Variants in NRXN3 observed in about 807,000 individuals in gnomAD.
NRXN3 encodes neurexin 3.
A neutral mutation model predicts 137.6 loss-of-function variants in NRXN3; 32 were observed. That is an observed-to-expected ratio of 0.23 (90% CI 0.18 to 0.31). The LOEUF is 0.31. Ranked by LOEUF, NRXN3 falls within the 10% of genes least tolerant of loss-of-function variation. The pLI is 1.00. For synonymous variants in NRXN3, 798 were observed against 784.5 expected (o/e 1.02, Z -0.29); for missense variants, 1,574 against 2,062.5 (o/e 0.76, Z 4.59).
At chr14:79,839,090 A>G (rs2091925) in intron 20 of NRXN3, among the ~76,000 whole-genome samples, 116,461 of 152,010 alleles carry the variant, frequency 0.77, 44,915 homozygotes, top group East Asian at 0.91. Context: ...AGAAGTAGAC[A>G]GGTTGTTTCA....
chr14:79,605,644 C>T (rs546808212), intron 16 of NRXN3, among the ~76,000 whole-genome samples: 25 of 152,166 alleles, frequency 1.6e-4, no homozygotes, highest in East Asian at 3.9e-4. Context: ...TGCGCCACCA[C>T]GCCCAGCTAA....
chr14:79,494,229 G>T (rs909008344), intron 16 of NRXN3, among the ~76,000 whole-genome samples: 6 of 152,086 alleles, frequency 3.9e-5, no homozygotes, highest in Non-Finnish European at 7.4e-5. Flanking sequence ...CAAGAGATTT[G>T]CCTCCTAACA....
intron 4 of NRXN3, among the ~76,000 whole-genome samples, chr14:78,601,745 T>C (rs1441801293): frequency 6.6e-6 from 1 of 152,200 alleles, no homozygotes; most frequent in African/African-American, 2.4e-5. Flanking sequence ...TGAGCCACTG[T>C]GCCTGGCCTT....
intron 10 of NRXN3, among the ~76,000 whole-genome samples, chr14:78,915,383 A>T (rs1378473075): frequency 6.6e-6 from 1 of 150,568 alleles, no homozygotes; most frequent in African/African-American, 2.4e-5. Context: ...CCACACAGAA[A>T]AAAAACAAGC....
intron 16 of NRXN3, among the ~76,000 whole-genome samples, chr14:79,601,336 C>A (rs1036662352): frequency 2.6e-5 from 4 of 152,042 alleles, no homozygotes; most frequent in Non-Finnish European, 4.4e-5. Flanking sequence ...CCACCGTGCC[C>A]AGCCTGTTGC....
At chr14:79,720,383 A>G (rs1300270795) in intron 19 of NRXN3, among the ~76,000 whole-genome samples, 1 of 152,092 alleles carries the variant, frequency 6.6e-6, no homozygotes, top group Admixed American at 6.6e-5. Context: ...CAACCAAACC[A>G]TATCAGGGAG....
intron 10 of NRXN3, among the ~76,000 whole-genome samples, chr14:78,953,955 A>G (rs944457217): frequency 6.6e-6 from 1 of 152,134 alleles, no homozygotes; most frequent in Non-Finnish European, 1.5e-5. Flanking sequence ...TTTTGTCTGA[A>G]CCATCCTTTA....
intron 19 of NRXN3, among the ~76,000 whole-genome samples, chr14:79,774,082 G>C (rs2099088998): frequency 6.6e-6 from 1 of 152,056 alleles, no homozygotes; most frequent in African/African-American, 2.4e-5. Context: ...AGAGGATTGG[G>C]GAAAGAGAAA....
rs190147421 is a variant in NRXN3, at chr14:78,700,212, T to A, written c.1222-9005T>A. ...ACAGTGGTTATTTAGTACATTTACA[T>A]GGGATTTTGTTTCTAATATTCTAAT... On this transcript the variant is annotated intron_variant, in intron 6 of 20. Transcript: ENST00000335750. Among the ~76,000 whole-genome samples, 4 of 152,326 alleles carry A rather than the reference T, an allele frequency of 2.6e-5. No homozygotes were observed. In the East Asian group the frequency reaches 7.7e-4, roughly 29 times the overall value.
chr14:78,174,445 TCTC>T (rs2059068296), intron 1 of NRXN3, among the ~76,000 whole-genome samples: 1 of 152,052 alleles, frequency 6.6e-6, no homozygotes, highest in African/African-American at 2.4e-5. Context: ...CCGACCCAGT[TCTC>T]CTCTCTACAG....
intron 4 of NRXN3, among the ~76,000 whole-genome samples, chr14:78,473,990 TAC>T (rs1229737994): frequency 6.6e-6 from 1 of 152,210 alleles, no homozygotes; most frequent in Non-Finnish European, 1.5e-5. Context: ...TCCTGTTGAC[TAC>T]ACAGGTTAGC....
intron 15 of NRXN3, among the ~76,000 whole-genome samples, chr14:79,164,681 A>T (rs1033470803): frequency 9.9e-5 from 15 of 152,006 alleles, no homozygotes; most frequent in Non-Finnish European, 1.9e-4. Flanking sequence ...CTAAAATTAG[A>T]TTATTTATAC....
intron 16 of NRXN3, among the ~76,000 whole-genome samples, chr14:79,582,268 G>C (rs183164458): frequency 1.6e-4 from 25 of 151,726 alleles, no homozygotes; most frequent in Admixed American, 4.6e-4. Context: ...ATTATCCATA[G>C]TTTCACATGT....
intron 15 of NRXN3, chr14:79,249,168 A>C (rs922487763): frequency 1.3e-5 from 2 of 152,164 alleles, no homozygotes; most frequent in Non-Finnish European, 2.9e-5. Flanking sequence ...GGAAGGTAAA[A>C]GGTTATAATT....
intron 15 of NRXN3, among the ~76,000 whole-genome samples, chr14:79,315,682 G>T (rs189124540): frequency 1.3e-5 from 2 of 152,208 alleles, no homozygotes; most frequent in Admixed American, 6.5e-5. Context: ...TCCTAACCAG[G>T]TTAATTATTT....
intron 16 of NRXN3, among the ~76,000 whole-genome samples, chr14:79,546,276 G>T (rs755269166): frequency 6.6e-5 from 10 of 152,158 alleles, no homozygotes; most frequent in Non-Finnish European, 1.3e-4. Context: ...TTATTCTGAA[G>T]TGGAGAAAAT....
At chr14:79,498,021 G>A (rs1030855834) in intron 16 of NRXN3, among the ~76,000 whole-genome samples, 1 of 152,074 alleles carries the variant, frequency 6.6e-6, no homozygotes, top group African/African-American at 2.4e-5. Flanking sequence ...GCAACAGAGC[G>A]AGATTCTGTC....
chr14:78,669,784 A>T (rs1413636649), intron 6 of NRXN3, among the ~76,000 whole-genome samples: 7 of 152,112 alleles, frequency 4.6e-5, no homozygotes, highest in African/African-American at 1.7e-4. Flanking sequence ...AGCAGTGAGG[A>T]TGACCAGAGG....
chr14:78,556,539 T>C (rs543986179), intron 4 of NRXN3, among the ~76,000 whole-genome samples: 29 of 152,322 alleles, frequency 1.9e-4, no homozygotes, highest in African/African-American at 6.3e-4. Context: ...ATAATGCATA[T>C]ACTAAAATTA....
Sources: allele counts gnomAD v4.1 joint callset (sites outside exome capture counted in the v4.1 genomes callset), GRCh38; gene constraint gnomAD v4.1.1; transcripts MANE v1.5; gene names NCBI Gene and HGNC (gene_info 2026-07-23, HGNC 2026-07-21).